DOCK8: variants seen among roughly 807,000 people sequenced by gnomAD.
DOCK8 encodes dedicator of cytokinesis protein 8.
Under a neutral mutation model 245.6 loss-of-function variants are expected in DOCK8, and 141 were observed. The observed-to-expected ratio is 0.57, with a 90% CI of 0.50 to 0.66. DOCK8 has a LOEUF of 0.66. DOCK8 is among the 30% of genes least tolerant of loss of function. The pLI, the probability that DOCK8 is intolerant of heterozygous loss-of-function variation, is 0.00. For missense variants in DOCK8, 2,965 were observed against 2,603.4 expected (o/e 1.14, Z -3.02); for synonymous variants, 1,168 against 970.2 (o/e 1.20, Z -3.79).
chr9:314,389 C>T (rs1016829373), intron 6 of DOCK8: 6 of 152,144 alleles, frequency 3.9e-5, no homozygotes, highest in South Asian at 2.1e-4. Flanking sequence ...TCCAGTGAGA[C>T]GTTTGCTTGT....
intron 14 of DOCK8, among the ~76,000 whole-genome samples, chr9:343,213 G>A (rs1194930724): frequency 6.6e-6 from 1 of 152,128 alleles, no homozygotes; most frequent in Non-Finnish European, 1.5e-5. Flanking sequence ...AAATTACAGC[G>A]AGGTGGCCAG....
In DOCK8 at chr9:464,571, A is replaced by G; in HGVS notation, c.*352A>G. On this transcript the variant is annotated 3_prime_UTR_variant, in exon 48 of 48. Transcript: ENST00000432829. ...ATGATTTCCTCTGGCCCATATTTGA[A>G]TTTATTGGAGTAACTCAAATTGCCT... 1 of 335,140 alleles carries G rather than the reference A, an allele frequency of 3.0e-6. No individual in the cohort carries two copies. The highest frequency in any genetic ancestry group is 5.6e-6 in the Non-Finnish European group (1 of 177,768). 20.8% of individuals were successfully genotyped at this position (335,140 alleles called of 1,614,324 possible).
chr9:304,545 T>G, intron 4 of DOCK8, 36 bp from the exon 5 acceptor site: 1 of 1,613,530 alleles, frequency 6.2e-7, no homozygotes, highest in African/African-American at 1.3e-5. Flanking sequence ...TCTCTCTCCC[T>G]CTTTCTCTCT....
At chr9:353,343 CCCCAA>C (rs2052267459) in intron 14 of DOCK8, among the ~76,000 whole-genome samples, 1 of 152,152 alleles carries the variant, frequency 6.6e-6, no homozygotes, top group South Asian at 2.1e-4. Context: ...ATACTTTCTT[CCCCAA>C]CCCAAACCAA....
intron 2 of DOCK8, among the ~76,000 whole-genome samples, chr9:278,329 G>T (rs909369464): frequency 6.6e-6 from 1 of 152,228 alleles, no homozygotes; most frequent in African/African-American, 2.4e-5. Context: ...TATCACAGAA[G>T]CTAGAAGAAC....
rs1052977444 is a variant in DOCK8, at chr9:402,497, C to T, written c.3235-2421C>T. On this transcript the variant is annotated intron_variant, in intron 26 of 47. Coordinates refer to ENST00000432829, the MANE Select transcript of DOCK8 (RefSeq NM_203447.4). ...AGTGACATCCACGGATGTTACTTAGCACCATTAGTGGCACTCAGGCCTCAG... is the reference window on the plus strand; with the variant it reads ...AGTGACATCCACGGATGTTACTTAGTACCATTAGTGGCACTCAGGCCTCAG... Among the ~76,000 whole-genome samples, 5 of 152,190 alleles carry T rather than the reference C, an allele frequency of 3.3e-5. 1 individual carries two copies. The highest frequency in any genetic ancestry group is 7.3e-5 in the Non-Finnish European group (5 of 68,040).
At chr9:244,054 G>A (rs903561204) in intron 1 of DOCK8, among the ~76,000 whole-genome samples, 2 of 151,888 alleles carry the variant, frequency 1.3e-5, no homozygotes, top group African/African-American at 4.8e-5. Context: ...CGGGCGTGGC[G>A]GCGACCGCTT....
At chr9:340,518 G>T in intron 14 of DOCK8, 197 bp downstream of exon 14, 1 of 618,538 alleles carries the variant, frequency 1.6e-6, no homozygotes, top group Admixed American at 2.5e-5. Flanking sequence ...CAACTTGGCA[G>T]GCTGAGGCAG....
intron 27 of DOCK8, 42 bp from the exon 28 acceptor site, chr9:406,888 C>T (rs773177562): frequency 2.3e-5 from 37 of 1,613,658 alleles, no homozygotes; most frequent in Non-Finnish European, 2.9e-5. Flanking sequence ...ATTTTCATTC[C>T]AGTTCTTGTG....
intron 32 of DOCK8, 27 bp from the exon 33 acceptor site, chr9:422,021 T>A: frequency 6.3e-7 from 1 of 1,583,846 alleles, no homozygotes; most frequent in South Asian, 1.1e-5. Flanking sequence ...CTAATCAAAT[T>A]CCTATCATGC....
intron 23 of DOCK8, among the ~76,000 whole-genome samples, chr9:387,518 G>A (rs7854917): frequency 0.37 from 56,639 of 151,954 alleles, 12,927 homozygotes; most frequent in African/African-American, 0.65. Flanking sequence ...TGCAAGAGCT[G>A]ACATCACAGG....
At chr9:270,886 C>T (rs2048145760) in intron 1 of DOCK8, among the ~76,000 whole-genome samples, 1 of 152,168 alleles carries the variant, frequency 6.6e-6, no homozygotes, top group Admixed American at 6.5e-5. Flanking sequence ...AGAAAACGTG[C>T]TCTGAGTTCC....
chr9:344,201 T>A (rs1425963284), intron 14 of DOCK8, among the ~76,000 whole-genome samples: 1 of 152,220 alleles, frequency 6.6e-6, no homozygotes. Context: ...TCCAGTTTGG[T>A]TGTGGCCCCT....
At chr9:239,564 G>C (rs1252102199) in intron 1 of DOCK8, among the ~76,000 whole-genome samples, 4 of 152,190 alleles carry the variant, frequency 2.6e-5, no homozygotes, top group African/African-American at 7.2e-5. Context: ...TGTAGTCAGG[G>C]ATTAGAGACC....
chr9:391,828 T>G (rs1413159031), intron 24 of DOCK8, among the ~76,000 whole-genome samples: 1 of 144,776 alleles, frequency 6.9e-6, no homozygotes, highest in South Asian at 2.1e-4. Flanking sequence ...AATCTTTTTT[T>G]TTTTTTTTTT....
At chr9:438,524 C>T (rs2056978867) in intron 39 of DOCK8, among the ~76,000 whole-genome samples, 1 of 152,200 alleles carries the variant, frequency 6.6e-6, no homozygotes, top group South Asian at 2.1e-4. Flanking sequence ...TGAAGAGGCA[C>T]TCACCCTCAG....
At chr9:247,319 A>G (rs1022551837) in intron 1 of DOCK8, among the ~76,000 whole-genome samples, 1 of 152,184 alleles carries the variant, frequency 6.6e-6, no homozygotes, top group East Asian at 1.9e-4. Context: ...CTGCTTCCAC[A>G]TTTCCTAAGT....
intron 27 of DOCK8, among the ~76,000 whole-genome samples, chr9:406,125 T>G (rs1449687053): frequency 6.6e-6 from 1 of 152,208 alleles, no homozygotes; most frequent in Non-Finnish European, 1.5e-5. Flanking sequence ...CCGGTAAATC[T>G]AATACTTCCC....
intron 4 of DOCK8, among the ~76,000 whole-genome samples, chr9:303,865 CACTTG>C (rs1311080033): frequency 7.9e-5 from 12 of 152,280 alleles, no homozygotes; most frequent in African/African-American, 2.6e-4. Context: ...CGTGTTTGTG[CACTTG>C]ACTTTGTAAC....
Sources: gnomAD v4.1 joint callset for allele counts (sites outside exome capture counted in the v4.1 genomes callset) on GRCh38, gnomAD v4.1.1 for gene constraint, MANE v1.5 for transcripts, NCBI Gene and HGNC (gene_info 2026-07-23, HGNC 2026-07-21) for gene names.